Variants in CACNB2 observed in about 807,000 individuals in gnomAD.
CACNB2 encodes the protein calcium voltage-gated channel auxiliary subunit beta 2, also known as voltage-dependent L-type calcium channel subunit beta-2.
Under a neutral mutation model 73.3 loss-of-function variants are expected in CACNB2, and 42 were observed. The observed-to-expected ratio is 0.57, with a 90% CI of 0.45 to 0.74. The LOEUF (loss-of-function observed/expected upper bound fraction) is 0.74. Ranked by LOEUF, CACNB2 falls within the 30% of genes least tolerant of loss-of-function variation. The pLI is 0.00. For missense variants in CACNB2, 940 were observed against 853.0 expected, an observed-to-expected ratio of 1.10 and a Z score of -1.27; for synonymous variants, 348 against 310.3, an observed-to-expected ratio of 1.12 and a Z score of -1.28.
intron 3 of CACNB2, among the ~76,000 whole-genome samples, chr10:18,426,154 CT>C (rs1459816234): frequency 6.6e-6 from 1 of 152,126 alleles, no homozygotes; most frequent in African/African-American, 2.4e-5. Flanking sequence ...CAAACATACC[CT>C]GCTGACATTT....
At chr10:18,381,580 G>C (rs561181051) in intron 2 of CACNB2, among the ~76,000 whole-genome samples, 1 of 151,086 alleles carries the variant, frequency 6.6e-6, no homozygotes, top group Non-Finnish European at 1.5e-5. Flanking sequence ...CCCAGCTACT[G>C]GGGTGGCTGA....
chr10:18,536,189 G>T lies in CACNB2; in HGVS notation c.1295G>T (p.Cys432Phe). 6.6e-7 allele frequency: 1 copy of T among 1,526,198 alleles called. No homozygotes were observed. The highest frequency in any genetic ancestry group is 8.9e-7 in the Non-Finnish European group (1 of 1,119,656). 94.5% of individuals were successfully genotyped at this position (1,526,198 alleles called of 1,614,324 possible). A position where few individuals can be genotyped will look rare whatever the true frequency, so the allele number is the denominator to read the frequency against. ...QMVAADKLAQ[C>F]PPELFDVILD... ...GTAGCAGCTGATAAACTGGCTCAGT[G>T]TCCTCCAGTAAGTTATCTCTATATA... Residue 432 changes from cysteine (C) to phenylalanine (F), a missense_variant, in exon 12 of 14, where the codon TGT becomes TTT. Cys to Phe is a radical substitution (Grantham distance 205). Transcript: ENST00000324631.
Position 18,171,521 on chromosome 10 carries a change from G to GAAAAA in CACNB2, c.213+20570_213+20574dup, listed in dbSNP as rs370201485. Among the ~76,000 whole-genome samples, 16 of 32,598 alleles carry GAAAAA rather than the reference G, an allele frequency of 4.9e-4. 1 individual carries two copies. The highest frequency in any genetic ancestry group is 1.8e-3 in the South Asian group (1 of 558). The allele number at this position is 32,598 out of a possible 152,430, so 21.4% of individuals were successfully genotyped here. A position where few individuals can be genotyped will look rare whatever the true frequency, so the allele number is the denominator to read the frequency against. On this transcript the variant is annotated intron_variant, in intron 2 of 13. Transcript: ENST00000324631. ...TCCCTTCTTCCCGGCTTTGATAGCA[G>GAAAAA]AAAAAAAAAAAAAAAAAAAAAAAAA...
intron 3 of CACNB2, among the ~76,000 whole-genome samples, chr10:18,405,900 G>A (rs2044261544): frequency 6.6e-6 from 1 of 152,196 alleles, no homozygotes; most frequent in Non-Finnish European, 1.5e-5. Flanking sequence ...AAAGGTTGCA[G>A]TGAGCTGAGA....
intron 2 of CACNB2, among the ~76,000 whole-genome samples, chr10:18,299,112 A>C (rs1323656280): frequency 4.6e-5 from 7 of 150,878 alleles, no homozygotes; most frequent in Non-Finnish European, 8.8e-5. Context: ...AAAAGAAAAA[A>C]ATAAAATAAA....
chr10:18,260,962 A>C, intron 2 of CACNB2: 2 of 1,305,654 alleles, frequency 1.5e-6, no homozygotes. Context: ...TGTGTTAGCA[A>C]TACTTACTTC....
chr10:18,485,391 G>A (rs1196510487), intron 3 of CACNB2, among the ~76,000 whole-genome samples: 2 of 152,090 alleles, frequency 1.3e-5, no homozygotes, highest in South Asian at 2.1e-4. Context: ...TTCAGTTCCT[G>A]GGTGCTTCCT....
At chr10:18,347,124 A>G (rs919388636) in intron 2 of CACNB2, among the ~76,000 whole-genome samples, 2 of 152,086 alleles carry the variant, frequency 1.3e-5, no homozygotes, top group African/African-American at 2.4e-5. Flanking sequence ...ACATGATAGG[A>G]TGGACATATC....
intron 3 of CACNB2, among the ~76,000 whole-genome samples, chr10:18,455,966 A>C (rs997952415): frequency 6.6e-6 from 1 of 152,180 alleles, no homozygotes; most frequent in Non-Finnish European, 1.5e-5. Context: ...TGATGTTTCT[A>C]TTTATACCAA....
At chr10:18,385,208 G>A (rs988657964) in intron 2 of CACNB2, among the ~76,000 whole-genome samples, 7 of 151,032 alleles carry the variant, frequency 4.6e-5, no homozygotes, top group Non-Finnish European at 1.0e-4. Flanking sequence ...ATTTGAACCC[G>A]GGAGGCAGAG....
chr10:18,213,507 G>C (rs1049464409), intron 2 of CACNB2, among the ~76,000 whole-genome samples: 1 of 152,166 alleles, frequency 6.6e-6, no homozygotes, highest in Non-Finnish European at 1.5e-5. Flanking sequence ...TTGGGAATTG[G>C]TGTTAATTTT....
At chr10:18,322,747 C>T (rs908170080) in intron 2 of CACNB2, among the ~76,000 whole-genome samples, 3 of 151,944 alleles carry the variant, frequency 2.0e-5, no homozygotes, top group Non-Finnish European at 2.9e-5. Flanking sequence ...CTTATTTTTG[C>T]GTTAGAGACC....
intron 2 of CACNB2, among the ~76,000 whole-genome samples, chr10:18,387,760 CTT>C (rs768014226): frequency 3.8e-4 from 55 of 144,714 alleles, no homozygotes; most frequent in Middle Eastern, 3.6e-3. Flanking sequence ...TTCTTTCTCT[CTT>C]TTTTTTTTTT....
chr10:18,416,057 T>C (rs1261959046), intron 3 of CACNB2, among the ~76,000 whole-genome samples: 1 of 152,164 alleles, frequency 6.6e-6, no homozygotes, highest in Non-Finnish European at 1.5e-5. Context: ...TTGTTGAGTA[T>C]AGTCATCCTA....
intron 3 of CACNB2, among the ~76,000 whole-genome samples, chr10:18,436,493 A>T (rs2046144194): frequency 6.6e-6 from 1 of 152,218 alleles, no homozygotes; most frequent in African/African-American, 2.4e-5. Context: ...CCATCAATAG[A>T]TCAAAATTAG....
intron 3 of CACNB2, among the ~76,000 whole-genome samples, chr10:18,453,417 C>T (rs2047111045): frequency 6.6e-6 from 1 of 152,184 alleles, no homozygotes; most frequent in Non-Finnish European, 1.5e-5. Context: ...CCCTCCATCG[C>T]CTCCACAGGC....
chr10:18,248,111 G>A (rs375449355), intron 2 of CACNB2, among the ~76,000 whole-genome samples: 1 of 152,052 alleles, frequency 6.6e-6, no homozygotes, highest in East Asian at 1.9e-4. Context: ...TCAGACCACA[G>A]TACCTACCAA....
intron 10 of CACNB2, among the ~76,000 whole-genome samples, chr10:18,530,101 C>A (rs1468470639): frequency 1.3e-5 from 2 of 152,130 alleles, no homozygotes; most frequent in African/African-American, 2.4e-5. Context: ...GACCAAGTCC[C>A]ATGATTCAAT....
At position 18,386,373 on chromosome 10, in the gene CACNB2, A is replaced by G. The variant is rs186677779; in HGVS notation, c.214-15551A>G. 8.7e-3 allele frequency among the ~76,000 whole-genome samples: 1,301 copies of G among 149,108 alleles called. 11 individuals carry two copies. Among genetic ancestry groups the G allele is most frequent in the Non-Finnish European group, 0.013 (847 of 67,462 alleles). ...TGTATATATCATCAGTATATGAGCA[A>G]CTTTACTGTTGCTCTTTTATTTATG... is the stretch of plus-strand genomic sequence containing the variant. On this transcript the variant is annotated intron_variant, in intron 2 of 13. Coordinates refer to ENST00000324631, the MANE Select transcript of CACNB2 (RefSeq NM_201596.3).
Sources: gnomAD v4.1 joint callset for allele counts (sites outside exome capture counted in the v4.1 genomes callset) on GRCh38, gnomAD v4.1.1 for gene constraint, MANE v1.5 for transcripts, NCBI Gene and HGNC (gene_info 2026-07-23, HGNC 2026-07-21) for gene names.